The following LRRTM4 variants were observed in gnomAD, a reference collection of about 807,000 sequenced individuals.
The protein encoded by LRRTM4 is leucine rich repeat transmembrane neuronal 4, also known as leucine-rich repeat transmembrane neuronal protein 4.
Under a neutral mutation model 47.6 loss-of-function variants are expected in LRRTM4, and 25 were observed. The observed-to-expected ratio is 0.53, with a 90% confidence interval of 0.38 to 0.73. The LOEUF (loss-of-function observed/expected upper bound fraction) is 0.73, where lower values mean the gene tolerates loss of function less well. Ranked by LOEUF, LRRTM4 falls within the 30% of genes least tolerant of loss-of-function variation. The probability of loss-of-function intolerance (pLI) is 0.00; values close to 1 mark genes in which losing one functional copy is unlikely to be tolerated. For missense variants in LRRTM4, 638 were observed against 713.4 expected (o/e 0.89, Z 1.20); for synonymous variants, 311 against 269.5 (o/e 1.15, Z -1.51).
intron 3 of LRRTM4, among the ~76,000 whole-genome samples, chr2:77,088,684 C>A (rs949817192): frequency 1.3e-5 from 2 of 152,156 alleles, no homozygotes; most frequent in Non-Finnish European, 2.9e-5. Context: ...AAATTTGGTG[C>A]CGTGACTTGG....
intron 3 of LRRTM4, among the ~76,000 whole-genome samples, chr2:76,805,343 G>T (rs1241969724): frequency 6.6e-6 from 1 of 152,094 alleles, no homozygotes; most frequent in Non-Finnish European, 1.5e-5. Context: ...AAAAGCAAGG[G>T]ATAATGGGAT....
At chr2:77,018,199 T>G (rs1240831321) in intron 3 of LRRTM4, among the ~76,000 whole-genome samples, 1 of 151,446 alleles carries the variant, frequency 6.6e-6, no homozygotes, top group Non-Finnish European at 1.5e-5. Context: ...GAAAAATTTT[T>G]TTTGTTTTTT....
intron 3 of LRRTM4, among the ~76,000 whole-genome samples, chr2:77,498,261 A>G (rs1340464093): frequency 6.6e-6 from 1 of 151,796 alleles, no homozygotes; most frequent in African/African-American, 2.4e-5. Flanking sequence ...GGAAAATTCT[A>G]CCATCCGTGA....
At chr2:76,951,115 T>A (rs568585059) in intron 3 of LRRTM4, among the ~76,000 whole-genome samples, 2 of 151,228 alleles carry the variant, frequency 1.3e-5, no homozygotes, top group Admixed American at 6.7e-5. Flanking sequence ...AAATGATAGA[T>A]TGGCTGCTCT....
At chr2:77,363,708 TA>T (rs1672328201) in intron 3 of LRRTM4, among the ~76,000 whole-genome samples, 2 of 152,260 alleles carry the variant, frequency 1.3e-5, no homozygotes, top group South Asian at 4.1e-4. Context: ...AAGTCCTTGA[TA>T]AAAAGGGGAG....
chr2:77,187,219 G>A (rs536092590), intron 3 of LRRTM4, among the ~76,000 whole-genome samples: 2 of 152,230 alleles, frequency 1.3e-5, no homozygotes, highest in African/African-American at 4.8e-5. Flanking sequence ...CTACTGTGGT[G>A]CCATTGATGC....
chr2:76,867,546 G>A (rs535330609), intron 3 of LRRTM4, among the ~76,000 whole-genome samples: 1 of 152,174 alleles, frequency 6.6e-6, no homozygotes, highest in Non-Finnish European at 1.5e-5. Context: ...GATGTTAGAA[G>A]TTAGCTGCTA....
chr2:76,956,245 G>A (rs1675671535), intron 3 of LRRTM4, among the ~76,000 whole-genome samples: 1 of 151,750 alleles, frequency 6.6e-6, no homozygotes, highest in South Asian at 2.1e-4. Context: ...AATGGCAAGT[G>A]TCTTCTCTGA....
intron 3 of LRRTM4, among the ~76,000 whole-genome samples, chr2:77,487,738 A>G (rs1039807359): frequency 1.3e-5 from 2 of 152,082 alleles, no homozygotes; most frequent in South Asian, 4.1e-4. Context: ...CCGGAAATGG[A>G]GTGAGAACTT....
intron 3 of LRRTM4, among the ~76,000 whole-genome samples, chr2:77,398,886 A>G (rs1158657464): frequency 2.0e-5 from 3 of 151,828 alleles, no homozygotes; most frequent in Admixed American, 2.0e-4. Flanking sequence ...TTCATGGCCC[A>G]TCCCACAGGG....
chr2:77,257,282 G>A (rs952674049), intron 3 of LRRTM4, among the ~76,000 whole-genome samples: 1 of 151,344 alleles, frequency 6.6e-6, no homozygotes, highest in African/African-American at 2.4e-5. Context: ...AAGAGAATTG[G>A]AAGTATTAAC....
At chr2:77,091,819 C>T (rs1670651372) in intron 3 of LRRTM4, among the ~76,000 whole-genome samples, 1 of 149,802 alleles carries the variant, frequency 6.7e-6, no homozygotes. Flanking sequence ...GCATAATTCT[C>T]ATAAAAACAC....
intron 3 of LRRTM4, among the ~76,000 whole-genome samples, chr2:77,330,915 C>G (rs1311941779): frequency 6.6e-6 from 1 of 152,050 alleles, no homozygotes. Context: ...ATTAACTTGT[C>G]AAAATGTCAA....
chr2:77,263,933 T>C (rs1372641222), intron 3 of LRRTM4, among the ~76,000 whole-genome samples: 1 of 152,096 alleles, frequency 6.6e-6, no homozygotes, highest in Non-Finnish European at 1.5e-5. Flanking sequence ...TGATGGTGTC[T>C]ATACAAAGGA....
At chr2:77,480,343 G>T (rs1677625249) in intron 3 of LRRTM4, among the ~76,000 whole-genome samples, 1 of 152,100 alleles carries the variant, frequency 6.6e-6, no homozygotes. Context: ...GATTCAATAG[G>T]CATTCACTCT....
intron 3 of LRRTM4, among the ~76,000 whole-genome samples, chr2:76,894,129 C>T (rs1253481132): frequency 6.6e-6 from 1 of 151,970 alleles, no homozygotes; most frequent in Non-Finnish European, 1.5e-5. Context: ...AAGGAATTCA[C>T]AGAAAGAAAT....
At chr2:76,940,956 C>A (rs144799348) in intron 3 of LRRTM4, among the ~76,000 whole-genome samples, 1 of 152,196 alleles carries the variant, frequency 6.6e-6, no homozygotes, top group South Asian at 2.1e-4. Context: ...GACTTCTTAC[C>A]ACTTTTGTTA....
At chr2:76,920,963 C>G (rs1248530444) in intron 3 of LRRTM4, among the ~76,000 whole-genome samples, 1 of 152,018 alleles carries the variant, frequency 6.6e-6, no homozygotes, top group Non-Finnish European at 1.5e-5. Context: ...TCCACGTACC[C>G]CTCACCCTGT....
chr2:77,029,193 G>T (rs1573471958), intron 3 of LRRTM4, among the ~76,000 whole-genome samples: 2 of 151,470 alleles, frequency 1.3e-5, no homozygotes, highest in African/African-American at 4.9e-5. Context: ...ATTAGTCAAG[G>T]TTCTCTAAAG....
Sources: gnomAD v4.1 joint callset for allele counts (sites outside exome capture counted in the v4.1 genomes callset) on GRCh38, gnomAD v4.1.1 for gene constraint, MANE v1.5 for transcripts, NCBI Gene and HGNC (gene_info 2026-07-23, HGNC 2026-07-21) for gene names.